Variants in GBE1 observed in about 807,000 individuals in gnomAD.
The protein encoded by GBE1 is 1,4-alpha-glucan branching enzyme 1.
Under a neutral mutation model 88.8 loss-of-function variants are expected in GBE1, and 70 were observed. The observed-to-expected ratio is 0.79, with a 90% CI of 0.65 to 0.96. GBE1 has a LOEUF of 0.96. Among genes scored for constraint, GBE1 ranks in the 40% least tolerant of loss-of-function variants. The probability of loss-of-function intolerance (pLI) is 0.00; values close to 1 mark genes in which losing one functional copy is unlikely to be tolerated. For missense variants in GBE1, 872 were observed against 871.0 expected (o/e 1.00, Z -0.01); for synonymous variants, 284 against 300.1 (o/e 0.95, Z 0.56).
chr3:81,744,080 G>T (rs890698011), intron 1 of GBE1, among the ~76,000 whole-genome samples: 1 of 152,004 alleles, frequency 6.6e-6, no homozygotes, highest in African/African-American at 2.4e-5. Flanking sequence ...TCTTCCCCTT[G>T]AATCTCTTTG....
intron 14 of GBE1, among the ~76,000 whole-genome samples, chr3:81,506,858 T>C (rs1432064932): frequency 2.1e-4 from 32 of 152,082 alleles, no homozygotes; most frequent in Non-Finnish European, 4.4e-5. Context: ...TAAGCAGAGC[T>C]AAATAAGGAG....
chr3:81,685,159 A>G (rs1422970293), intron 2 of GBE1, among the ~76,000 whole-genome samples: 2 of 152,168 alleles, frequency 1.3e-5, no homozygotes, highest in East Asian at 1.9e-4. Flanking sequence ...GTAAACTTGT[A>G]TACTCTACTT....
intron 12 of GBE1, among the ~76,000 whole-genome samples, chr3:81,574,661 T>G (rs1282703127): frequency 6.6e-6 from 1 of 152,200 alleles, no homozygotes; most frequent in Non-Finnish European, 1.5e-5. Context: ...ACTGACCAGC[T>G]GCCGAAATTT....
intron 7 of GBE1, among the ~76,000 whole-genome samples, chr3:81,604,608 C>A (rs1034019090): frequency 6.6e-6 from 1 of 151,924 alleles, no homozygotes; most frequent in Non-Finnish European, 1.5e-5. Flanking sequence ...TAAAAATAAA[C>A]AAATTGAAAA....
intron 7 of GBE1, among the ~76,000 whole-genome samples, chr3:81,598,139 A>C (rs372730753): frequency 1.3e-5 from 2 of 151,986 alleles, no homozygotes; most frequent in East Asian, 1.9e-4. Context: ...TGAGATTTTC[A>C]AAATTTGCAA....
chr3:81,632,011 A>G lies in GBE1; in HGVS notation c.992+10770T>C, dbSNP rs112760206. On this transcript the variant is annotated intron_variant, in intron 7 of 15. Transcript: ENST00000429644. ...GTGTGATGTTCCCCTCTCTATCCTC[A>G]TATGTTCTCATTGTTTGACTCCGAT... Among the ~76,000 whole-genome samples, 471 of 151,902 alleles carry G rather than the reference A, an allele frequency of 3.1e-3. 2 individuals are homozygous for G. The highest frequency in any genetic ancestry group is 5.3e-3 in the Non-Finnish European group (360 of 67,948).
chr3:81,700,303 C>T (rs1370623229), intron 2 of GBE1, among the ~76,000 whole-genome samples: 2 of 152,056 alleles, frequency 1.3e-5, no homozygotes, highest in Admixed American at 6.6e-5. Flanking sequence ...GGCTTCCAAC[C>T]AGTAAAAAAT....
intron 10 of GBE1, among the ~76,000 whole-genome samples, chr3:81,584,116 C>A (rs1161765108): frequency 6.6e-6 from 1 of 151,686 alleles, no homozygotes; most frequent in Non-Finnish European, 1.5e-5. Context: ...CAAAAATGAT[C>A]AAATAAAATG....
intron 12 of GBE1, among the ~76,000 whole-genome samples, chr3:81,572,240 T>G (rs1363934288): frequency 1.3e-5 from 2 of 152,142 alleles, no homozygotes; most frequent in Non-Finnish European, 2.9e-5. Context: ...TAACTGTAAC[T>G]CAATTAAACC....
intron 1 of GBE1, among the ~76,000 whole-genome samples, chr3:81,750,525 A>ATATATATATATATATGTATATATATATG (rs1559708244): frequency 5.0e-5 from 4 of 80,740 alleles, no homozygotes; most frequent in African/African-American, 2.2e-4. Context: ...CAAAACATTC[A>ATATATATATATATATGTATATATATATG]TATATATATA....
chr3:81,591,284 A>G (rs1159522697), intron 8 of GBE1, 120 bp from the exon 9 acceptor site: 16 of 697,764 alleles, frequency 2.3e-5, no homozygotes, highest in Non-Finnish European at 3.3e-5. Context: ...GTTTAATAAC[A>G]TAAGCATCAG....
intron 1 of GBE1, among the ~76,000 whole-genome samples, chr3:81,745,899 T>A (rs1335910094): frequency 6.6e-6 from 1 of 152,098 alleles, no homozygotes; most frequent in African/African-American, 2.4e-5. Context: ...GAAAGTGGCA[T>A]GCTATGATTT....
intron 2 of GBE1, among the ~76,000 whole-genome samples, chr3:81,698,976 ACT>A (rs1705644524): frequency 6.6e-6 from 1 of 152,038 alleles, no homozygotes; most frequent in Non-Finnish European, 1.5e-5. Flanking sequence ...TCTACAAAAC[ACT>A]GTTTGCTGAA....
chr3:81,496,200 T>C (rs1702498666), intron 15 of GBE1, among the ~76,000 whole-genome samples: 3 of 152,258 alleles, frequency 2.0e-5, no homozygotes, highest in African/African-American at 7.2e-5. Context: ...CTGGCAGAGC[T>C]CTGCCCTATC....
chr3:81,720,362 G>GTA (rs568157813), intron 1 of GBE1, among the ~76,000 whole-genome samples: 13,240 of 143,026 alleles, frequency 0.093, 1,252 homozygotes, highest in African/African-American at 0.24. Context: ...GTGTGTGTGT[G>GTA]TATATATATA....
At chr3:81,737,327 AT>A (rs1706272668) in intron 1 of GBE1, among the ~76,000 whole-genome samples, 1 of 92,146 alleles carries the variant, frequency 1.1e-5, no homozygotes, top group East Asian at 3.4e-4. Context: ...ATATTTATAT[AT>A]ATTTTTATAT....
At chr3:81,544,690 T>C (rs919207081) in intron 12 of GBE1, among the ~76,000 whole-genome samples, 1 of 152,184 alleles carries the variant, frequency 6.6e-6, no homozygotes, top group African/African-American at 2.4e-5. Flanking sequence ...ACAGCCCCAT[T>C]CATGTCTGGT....
intron 7 of GBE1, chr3:81,612,587 T>C: frequency 1.5e-6 from 1 of 667,166 alleles, no homozygotes; most frequent in East Asian, 3.6e-5. Context: ...ATTTGGGATG[T>C]TGGCGATCAG....
chr3:81,680,751 A>C (rs975030540), intron 2 of GBE1, among the ~76,000 whole-genome samples: 19 of 152,156 alleles, frequency 1.2e-4, no homozygotes, highest in African/African-American at 4.1e-4. Flanking sequence ...TCATGAAGGA[A>C]AGCCCTCATG....
Sources: allele counts gnomAD v4.1 joint callset (sites outside exome capture counted in the v4.1 genomes callset), GRCh38; gene constraint gnomAD v4.1.1; transcripts MANE v1.5; gene names NCBI Gene and HGNC (gene_info 2026-07-23, HGNC 2026-07-21).